Variants in GALNTL6 observed in about 807,000 individuals in gnomAD.
GALNTL6 encodes polypeptide N-acetylgalactosaminyltransferase like 6, also known as polypeptide N-acetylgalactosaminyltransferase-like 6.
Under a neutral mutation model 73.7 loss-of-function variants are expected in GALNTL6, and 46 were observed. That is an observed-to-expected ratio of 0.62 (90% CI 0.49 to 0.80). The LOEUF (loss-of-function observed/expected upper bound fraction) is 0.80, where lower values mean the gene tolerates loss of function less well. Ranked by LOEUF, GALNTL6 falls within the 30% of genes least tolerant of loss-of-function variation. The pLI, the probability that GALNTL6 is intolerant of heterozygous loss-of-function variation, is 0.00. For synonymous variants in GALNTL6, 259 were observed against 263.7 expected (o/e 0.98, Z 0.17); for missense variants, 604 against 755.0 (o/e 0.80, Z 2.34).
chr4:171,908,603 A>T (rs1363394301), intron 2 of GALNTL6, among the ~76,000 whole-genome samples: 1 of 151,370 alleles, frequency 6.6e-6, no homozygotes, highest in African/African-American at 2.4e-5. Context: ...TCAGGGATCT[A>T]GAACTAGAAA....
intron 2 of GALNTL6, among the ~76,000 whole-genome samples, chr4:171,993,447 G>C (rs1740396456): frequency 6.6e-6 from 1 of 152,102 alleles, no homozygotes; most frequent in Non-Finnish European, 1.5e-5. Flanking sequence ...GGACAACGGA[G>C]CTGTGTCATG....
At chr4:172,752,377 T>C (rs1737476107) in intron 5 of GALNTL6, among the ~76,000 whole-genome samples, 1 of 152,120 alleles carries the variant, frequency 6.6e-6, no homozygotes, top group African/African-American at 2.4e-5. Flanking sequence ...TTTGGCATAC[T>C]TCCTTCATTT....
At chr4:172,797,849 G>GT (rs1263939682) in intron 5 of GALNTL6, among the ~76,000 whole-genome samples, 3 of 151,556 alleles carry the variant, frequency 2.0e-5, no homozygotes, top group African/African-American at 4.8e-5. Flanking sequence ...GTTTTTGTTT[G>GT]TTTTTTGTCT....
At chr4:172,581,352 A>G (rs1379906338) in intron 5 of GALNTL6, among the ~76,000 whole-genome samples, 1 of 152,122 alleles carries the variant, frequency 6.6e-6, no homozygotes, top group Non-Finnish European at 1.5e-5. Flanking sequence ...AATCCTTGGT[A>G]GTAGCTTCAC....
At chr4:172,036,010 C>G (rs767902063) in intron 2 of GALNTL6, among the ~76,000 whole-genome samples, 1 of 152,062 alleles carries the variant, frequency 6.6e-6, no homozygotes, top group Non-Finnish European at 1.5e-5. Flanking sequence ...TGGATATATA[C>G]TTAGCATTTC....
intron 7 of GALNTL6, among the ~76,000 whole-genome samples, chr4:172,818,093 C>T (rs1459157): frequency 0.52 from 79,204 of 152,068 alleles, 25,026 homozygotes; most frequent in Non-Finnish European, 0.7. Flanking sequence ...AGTTCACACT[C>T]GTTGATGTAA....
chr4:172,614,270 GTCTC>G (rs1176893054), intron 5 of GALNTL6, among the ~76,000 whole-genome samples: 3 of 152,180 alleles, frequency 2.0e-5, no homozygotes, highest in East Asian at 1.9e-4. Flanking sequence ...GAAAAAAATT[GTCTC>G]TCTATTTCAC....
chr4:172,564,045 G>T (rs1329203220), intron 5 of GALNTL6, among the ~76,000 whole-genome samples: 1 of 152,036 alleles, frequency 6.6e-6, no homozygotes, highest in Admixed American at 6.5e-5. Context: ...ATTCCCTTGT[G>T]CTTAACTCTG....
At chr4:172,156,084 A>G (rs989641045) in intron 2 of GALNTL6, among the ~76,000 whole-genome samples, 2 of 150,628 alleles carry the variant, frequency 1.3e-5, no homozygotes, top group African/African-American at 4.9e-5. Flanking sequence ...CTGGGTGCAG[A>G]TGGGCTGAGG....
chr4:172,766,930 A>C (rs951297699), intron 5 of GALNTL6, among the ~76,000 whole-genome samples: 4 of 152,186 alleles, frequency 2.6e-5, no homozygotes, highest in Admixed American at 2.0e-4. Flanking sequence ...GCATTGGTAG[A>C]AGCACCATTC....
intron 5 of GALNTL6, among the ~76,000 whole-genome samples, chr4:172,801,708 T>G (rs777181296): frequency 6.6e-6 from 1 of 152,204 alleles, no homozygotes; most frequent in Non-Finnish European, 1.5e-5. Context: ...TTGTTTCTTT[T>G]TTGTTTCTAA....
chr4:172,013,870 C>T (rs1741099343), intron 2 of GALNTL6, among the ~76,000 whole-genome samples: 1 of 138,318 alleles, frequency 7.2e-6, no homozygotes, highest in South Asian at 2.6e-4. Context: ...CTGAGCCCCC[C>T]ACTACCCTTC....
intron 5 of GALNTL6, among the ~76,000 whole-genome samples, chr4:172,474,882 A>T (rs902309247): frequency 6.6e-6 from 1 of 152,158 alleles, no homozygotes; most frequent in Non-Finnish European, 1.5e-5. Flanking sequence ...ATCAATACTG[A>T]TTTACATTAA....
At chr4:172,610,007 G>A (rs890952829) in intron 5 of GALNTL6, among the ~76,000 whole-genome samples, 3 of 151,952 alleles carry the variant, frequency 2.0e-5, no homozygotes, top group African/African-American at 7.2e-5. Context: ...ATTCTCTTAT[G>A]GTTAGTTGTA....
intron 12 of GALNTL6, among the ~76,000 whole-genome samples, chr4:173,025,182 T>C (rs1456371300): frequency 1.3e-5 from 2 of 152,222 alleles, no homozygotes; most frequent in Non-Finnish European, 2.9e-5. Flanking sequence ...GCTGGGGCTA[T>C]GTTCAGTTGA....
intron 2 of GALNTL6, among the ~76,000 whole-genome samples, chr4:172,226,860 T>C (rs1736885487): frequency 6.6e-6 from 1 of 152,216 alleles, no homozygotes; most frequent in Non-Finnish European, 1.5e-5. Flanking sequence ...GAACTCTCTC[T>C]GATTCTCTAA....
At chr4:171,959,068 T>C (rs1378326024) in intron 2 of GALNTL6, among the ~76,000 whole-genome samples, 1 of 152,166 alleles carries the variant, frequency 6.6e-6, no homozygotes, top group Non-Finnish European at 1.5e-5. Flanking sequence ...AACCTAGAAT[T>C]CTGTGTTCAA....
intron 2 of GALNTL6, among the ~76,000 whole-genome samples, chr4:172,074,471 AT>A (rs1303378438): frequency 1.4e-5 from 2 of 146,848 alleles, no homozygotes; most frequent in African/African-American, 5.5e-5. Context: ...CGGTTCTATC[AT>A]CCACAATTGC....
At chr4:171,867,599 A>G (rs761120108) in intron 2 of GALNTL6, among the ~76,000 whole-genome samples, 32 of 152,214 alleles carry the variant, frequency 2.1e-4, no homozygotes, top group Non-Finnish European at 3.2e-4. Flanking sequence ...ACAGCTATTC[A>G]TCAGTGTCTC....
Sources: allele counts gnomAD v4.1 joint callset (sites outside exome capture counted in the v4.1 genomes callset), GRCh38; gene constraint gnomAD v4.1.1; transcripts MANE v1.5; gene names NCBI Gene and HGNC (gene_info 2026-07-23, HGNC 2026-07-21).